Variants in ADGRL2 observed in about 807,000 individuals in gnomAD.
ADGRL2 encodes the protein adhesion G protein-coupled receptor L2, also known as calcium-independent alpha-latrotoxin receptor 2.
ADGRL2 carries 44 observed loss-of-function variants against 157.4 expected under a neutral mutation model. That is an observed-to-expected ratio of 0.28 (90% CI 0.22 to 0.36). The LOEUF (loss-of-function observed/expected upper bound fraction) is 0.36, where lower values mean the gene tolerates loss of function less well. Ranked by LOEUF, ADGRL2 falls within the 10% of genes least tolerant of loss-of-function variation. The probability of loss-of-function intolerance (pLI) is 1.00; values close to 1 mark genes in which losing one functional copy is unlikely to be tolerated. For missense variants in ADGRL2, 1,510 were observed against 1,768.9 expected, an observed-to-expected ratio of 0.85 and a Z score of 2.63; for synonymous variants, 585 against 624.7, an observed-to-expected ratio of 0.94 and a Z score of 0.95.
At chr1:81,563,133 A>C (rs2080481358) in intron 2 of ADGRL2, among the ~76,000 whole-genome samples, 1 of 152,176 alleles carries the variant, frequency 6.6e-6, no homozygotes, top group Non-Finnish European at 1.5e-5. Flanking sequence ...TCCTGCAATT[A>C]TCTCTTCAGA....
At chr1:81,342,746 T>A (rs530331230) in intron 1 of ADGRL2, among the ~76,000 whole-genome samples, 88 of 152,254 alleles carry the variant, frequency 5.8e-4, no homozygotes, top group Admixed American at 9.8e-4. Context: ...CATGATGAGG[T>A]CAATATTATT....
Position 81,993,088 on chromosome 1 carries a change from T to TATATATATATA in ADGRL2, c.*1943_*1944insATATATATATA, listed in dbSNP as rs1491265569. 3.8e-3 allele frequency among the ~76,000 whole-genome samples: 75 copies of TATATATATATA among 19,614 alleles called. No homozygotes were observed. The highest frequency in any genetic ancestry group is 5.2e-3 in the Admixed American group (6 of 1,148). The allele number at this position is 19,614 out of a possible 152,430, so 12.9% of individuals were successfully genotyped here. ...ATATATATATATATATATATATATA[T>TATATATATATA]TTTTTTTTTTTTTTTTTTTTTTTTT... On this transcript the variant is annotated 3_prime_UTR_variant, in exon 24 of 24. Coordinates refer to ENST00000686636, the MANE Select transcript of ADGRL2 (RefSeq NM_001366006.2).
intron 2 of ADGRL2, among the ~76,000 whole-genome samples, chr1:81,882,817 A>G (rs2094022122): frequency 6.6e-6 from 1 of 152,150 alleles, no homozygotes; most frequent in Non-Finnish European, 1.5e-5. Context: ...CTCTATTTGA[A>G]CAGAATCTTA....
At chr1:81,982,230 G>C (rs561736440) in intron 19 of ADGRL2, among the ~76,000 whole-genome samples, 1 of 151,782 alleles carries the variant, frequency 6.6e-6, no homozygotes, top group South Asian at 2.1e-4. Flanking sequence ...TTGCTCGTAG[G>C]GTCTATAAAA....
intron 3 of ADGRL2, among the ~76,000 whole-genome samples, chr1:81,921,409 C>T (rs2094975554): frequency 6.6e-6 from 1 of 152,072 alleles, no homozygotes; most frequent in Non-Finnish European, 1.5e-5. Flanking sequence ...TTATTGTGTA[C>T]AATATGATAA....
At chr1:81,799,154 T>C (rs78827922), upstream of ADGRL2, among the ~76,000 whole-genome samples, 912 of 152,324 alleles carry the variant, frequency 6.0e-3, 11 homozygotes, top group African/African-American at 0.021. Context: ...AGATCTGTTG[T>C]ATGTATGTAT....
rs1236045063 is a variant in ADGRL2 at position 81,950,237 on chromosome 1, C to T, written c.1259C>T (p.Thr420Ile). ...TITSSAELFK[T>I]IISTTSTTSQ... Reference sequence around the variant, plus strand: ...ACTTCTTCAGCTGAGCTGTTCAAAACCATAATATCAACCACAAGCACTACT... The same window carrying T: ...ACTTCTTCAGCTGAGCTGTTCAAAATCATAATATCAACCACAAGCACTACT... The change falls in exon 7 of 24, where the codon ACC becomes ATC. Residue 420 changes from threonine (T) to isoleucine (I), a missense_variant. Physicochemically the swap from Thr to Ile is moderately conservative, Grantham distance 89 (BLOSUM62 -1). Coordinates refer to ENST00000686636, the MANE Select transcript of ADGRL2 (RefSeq NM_001366006.2). 1 of 1,614,020 alleles carries T rather than the reference C, an allele frequency of 6.2e-7. No homozygotes were observed. The highest frequency in any genetic ancestry group is 8.5e-7 in the Non-Finnish European group (1 of 1,179,954).
At chr1:81,479,638 C>A (rs928453532) in intron 2 of ADGRL2, among the ~76,000 whole-genome samples, 1 of 152,110 alleles carries the variant, frequency 6.6e-6, no homozygotes, top group Non-Finnish European at 1.5e-5. Context: ...GGGAAAACAA[C>A]CTCAAATGGA....
chr1:81,776,352 C>A (rs528041435), intron 2 of ADGRL2, among the ~76,000 whole-genome samples: 5 of 152,232 alleles, frequency 3.3e-5, no homozygotes, highest in African/African-American at 7.2e-5. Flanking sequence ...CCACACCCAG[C>A]TAATTTTTGT....
At chr1:81,362,734 C>T (rs2076001164) in intron 1 of ADGRL2, among the ~76,000 whole-genome samples, 1 of 151,836 alleles carries the variant, frequency 6.6e-6, no homozygotes, top group African/African-American at 2.4e-5. Context: ...TCACATATAG[C>T]TAATGTTTTG....
At chr1:81,763,742 T>C (rs2085990353) in intron 2 of ADGRL2, among the ~76,000 whole-genome samples, 1 of 151,958 alleles carries the variant, frequency 6.6e-6, no homozygotes, top group African/African-American at 2.4e-5. Flanking sequence ...AAATAGGGGC[T>C]AGGCGCAGTG....
rs183411109 is a variant in ADGRL2, at chr1:81,480,415, C to T, written c.-248+35326C>T. 1.8e-4 allele frequency among the ~76,000 whole-genome samples: 27 copies of T among 152,258 alleles called. 1 individual carries two copies. In the East Asian group the frequency reaches 5.2e-3, roughly 29 times the overall value. ...CATTACCAGATGAAACTGAAATATT[C>T]TTAGTTGGTCAGTTAAGAACTATAT... On this transcript the variant is annotated intron_variant, in intron 2 of 24. Coordinates refer to the ADGRL2 transcript ENST00000370721.
intron 2 of ADGRL2, among the ~76,000 whole-genome samples, chr1:81,558,960 G>C (rs1371317511): frequency 6.6e-6 from 1 of 152,172 alleles, no homozygotes; most frequent in African/African-American, 2.4e-5. Flanking sequence ...TCTGGGTCAG[G>C]TATAAACAAG....
At chr1:81,802,605 C>T (rs2088412298) in intron 1 of ADGRL2, among the ~76,000 whole-genome samples, 1 of 152,080 alleles carries the variant, frequency 6.6e-6, no homozygotes, top group Non-Finnish European at 1.5e-5. Flanking sequence ...TCGCAAGGTT[C>T]CGCCCGTCCT....
At chr1:81,722,344 T>C (rs2084360083) in intron 1 of ADGRL2, 1 of 710,858 alleles carries the variant, frequency 1.4e-6, no homozygotes, top group Admixed American at 1.8e-5. Flanking sequence ...AGGCATATGA[T>C]AAGAAAGTGG....
chr1:81,795,667 G>T (rs1245057818), upstream of ADGRL2, among the ~76,000 whole-genome samples: 1 of 152,092 alleles, frequency 6.6e-6, no homozygotes, highest in Non-Finnish European at 1.5e-5. Context: ...ACTATGACAT[G>T]AATAATCAAA....
chr1:81,350,676 CAAT>C (rs1225577267), intron 1 of ADGRL2, among the ~76,000 whole-genome samples: 1 of 152,122 alleles, frequency 6.6e-6, no homozygotes, highest in Non-Finnish European at 1.5e-5. Flanking sequence ...AATTTAATGA[CAAT>C]AAAGCAGGGT....
At chr1:81,380,403 A>T (rs2076324005) in intron 1 of ADGRL2, among the ~76,000 whole-genome samples, 1 of 152,158 alleles carries the variant, frequency 6.6e-6, no homozygotes, top group African/African-American at 2.4e-5. Flanking sequence ...CATTTTTATG[A>T]TTACTTTTTA....
At chr1:81,908,426 A>G (rs74736800) in intron 3 of ADGRL2, among the ~76,000 whole-genome samples, 55 of 152,182 alleles carry the variant, frequency 3.6e-4, no homozygotes, top group Admixed American at 2.8e-3. Flanking sequence ...TGTTGGCTTG[A>G]TAGTTCATTT....
Sources: gnomAD v4.1 joint callset for allele counts (sites outside exome capture counted in the v4.1 genomes callset) on GRCh38, gnomAD v4.1.1 for gene constraint, MANE v1.5 for transcripts, NCBI Gene and HGNC (gene_info 2026-07-23, HGNC 2026-07-21) for gene names.